IGSF9B: variants seen among roughly 807,000 people sequenced by gnomAD.
IGSF9B encodes immunoglobulin superfamily member 9B.
A neutral mutation model predicts 143.7 loss-of-function variants in IGSF9B; 48 were observed. The observed-to-expected ratio is 0.33, with a 90% confidence interval of 0.26 to 0.42. IGSF9B has a LOEUF of 0.42. Ranked by LOEUF, IGSF9B falls within the 20% of genes least tolerant of loss-of-function variation. IGSF9B has a pLI of 1.00. For missense variants in IGSF9B, 1,706 were observed against 1,980.0 expected (o/e 0.86, Z 2.63); for synonymous variants, 903 against 833.1 (o/e 1.08, Z -1.44).
At chr11:133,927,965 C>T (rs1939657951) in intron 12 of IGSF9B, among the ~76,000 whole-genome samples, 2 of 152,188 alleles carry the variant, frequency 1.3e-5, no homozygotes, top group South Asian at 4.1e-4. Flanking sequence ...GGAGTCAGTG[C>T]ACAGAGTTAG....
At chr11:133,922,865 C>T in intron 15 of IGSF9B, 135 bp from the exon 16 acceptor site, 1 of 781,090 alleles carries the variant, frequency 1.3e-6, no homozygotes, top group Non-Finnish European at 2.0e-6. Flanking sequence ...AAGCTGAACT[C>T]TAGCACTGAA....
rs933708309 is a variant in IGSF9B, at chr11:133,913,060, G to A, written c.3984-1053C>T. On this transcript the variant is annotated intron_variant, in intron 18 of 19. Transcript: ENST00000533871. The surrounding 1 kb of genome is among the most constrained non-coding windows in gnomAD (Gnocchi z 4.6). ...ATTTCTTCTCAAAGTAACCCAACTCGGAGCCTGAGGAATGAAGGGGAAAGA... is the reference window on the plus strand; with the variant it reads ...ATTTCTTCTCAAAGTAACCCAACTCAGAGCCTGAGGAATGAAGGGGAAAGA... Among the ~76,000 whole-genome samples, 3 of 152,108 alleles carry A rather than the reference G, an allele frequency of 2.0e-5. No individual in the cohort carries two copies. The highest frequency in any genetic ancestry group is 4.4e-5 in the Non-Finnish European group (3 of 68,022).
intron 1 of IGSF9B, among the ~76,000 whole-genome samples, chr11:133,954,015 T>C (rs1940209025): frequency 6.6e-6 from 1 of 152,012 alleles, no homozygotes; most frequent in African/African-American, 2.4e-5. Flanking sequence ...ATCATCCCTT[T>C]CCCCCTCTGC....
At position 133,937,830 on chromosome 11, in the gene IGSF9B, C is replaced by T. The variant is rs761894478; in HGVS notation, c.541G>A (p.Gly181Ser). Residue 181 changes from glycine to serine, a missense_variant, in exon 4 of 20, where the codon GGT becomes AGT. By Grantham distance (56) the Gly-to-Ser change is moderately conservative. Around this residue, in one of 7 missense-constraint regions of IGSF9B, gnomAD observed 238 missense variants for 452.6 expected, o/e 0.53. Coordinates refer to ENST00000533871, the MANE Select transcript of IGSF9B (RefSeq NM_001277285.4). ...VTWLKEGTLLGASGKYQVSDG... is the reference protein window; with the variant it reads ...VTWLKEGTLLSASGKYQVSDG... ...CTCACCTGGTATTTCCCACTAGCAC[C>T]GAGGAGCGTCCCCTCCTTGAGCCAG... is the stretch of plus-strand genomic sequence containing the variant. 7.5e-6 allele frequency: 12 copies of T among 1,609,700 alleles called. No homozygotes were observed. Among genetic ancestry groups the T allele is most frequent in the South Asian group, 2.2e-5 (2 of 90,152 alleles).
intron 3 of IGSF9B, among the ~76,000 whole-genome samples, chr11:133,941,089 T>A (rs1222052842): frequency 6.6e-6 from 1 of 152,236 alleles, no homozygotes; most frequent in African/African-American, 2.4e-5. Flanking sequence ...ATTACTTTAT[T>A]ATTTAGGTGC....
At chr11:133,937,056 C>T (rs1031786756) in intron 5 of IGSF9B, among the ~76,000 whole-genome samples, 9 of 152,156 alleles carry the variant, frequency 5.9e-5, no homozygotes, top group African/African-American at 1.9e-4. Context: ...AGGGAGGTCT[C>T]CTCTCCCAGG....
chr11:133,906,900 T>A lies in IGSF9B; in HGVS notation c.*2169A>T, dbSNP rs543624673. On this transcript the variant is annotated 3_prime_UTR_variant, in exon 20 of 20. Transcript: ENST00000533871. ...CCACCTCCCACCCCAACACCTCAGG[T>A]AAGCCGGCTCCCGTCATCCCCCAGG... 1.3e-5 allele frequency among the ~76,000 whole-genome samples: 2 copies of A among 151,992 alleles called. No individual in the cohort carries two copies. Among genetic ancestry groups the A allele is most frequent in the Admixed American group, 1.3e-4 (2 of 15,292 alleles).
intron 17 of IGSF9B, among the ~76,000 whole-genome samples, chr11:133,921,650 G>A (rs1446342048): frequency 6.6e-6 from 1 of 151,810 alleles, no homozygotes. Flanking sequence ...CAATCCTCCT[G>A]CCTCAGCCTC....
At chr11:133,950,468 C>G (rs1940137131) in intron 1 of IGSF9B, among the ~76,000 whole-genome samples, 1 of 152,224 alleles carries the variant, frequency 6.6e-6, no homozygotes, top group Non-Finnish European at 1.5e-5. Context: ...GCCGCTCACC[C>G]AAAGTTACTA....
At position 133,920,511 on chromosome 11, in the gene IGSF9B, G is replaced by A. The variant is rs1330125949; in HGVS notation, c.3214C>T (p.Pro1072Ser). 6.3e-7 allele frequency: 1 copy of A among 1,598,734 alleles called. No individual in the cohort carries two copies. Residue 1072 changes from proline to serine, a missense_variant, in exon 18 of 20, where the codon CCC (proline) becomes TCC (serine). Transcript: ENST00000533871. Reference protein sequence around the residue: ...PPCDVPESLQPKAGLPRGLPP... With the variant: ...PPCDVPESLQSKAGLPRGLPP... ...AGTCCTCGGGGGAGGCCGGCCTTGG[G>A]CTGCAGACTCTCGGGCACATCACAG...
rs1939480589 is a variant in IGSF9B, at chr11:133,919,887, T to C, written c.3838A>G (p.Thr1280Ala). The stretch of plus-strand genomic sequence containing the variant: ...CCGGGTGGAGGGGAAGGGTAGCCGG[T>C]GGCCAGAGTGGTGAAGCCCATGGCG... ...RPAMGFTTLATGYPSPPPGPA... is the reference protein window; with the variant it reads ...RPAMGFTTLAAGYPSPPPGPA... The change falls in exon 18 of 20, where the codon ACC (threonine) becomes GCC (alanine). Residue 1280 changes from threonine to alanine, a missense_variant. Thr to Ala is a moderately conservative substitution (Grantham distance 58). Around this residue, in one of 7 missense-constraint regions of IGSF9B, gnomAD observed 880 missense variants for 762.9 expected, o/e 1.15. Coordinates refer to ENST00000533871, the MANE Select transcript of IGSF9B (RefSeq NM_001277285.4). 6.3e-7 allele frequency: 1 copy of C among 1,579,428 alleles called. No individual in the cohort carries two copies. The highest frequency in any genetic ancestry group is 1.7e-4 in the Middle Eastern group (1 of 5,890).
rs1445123106 is a variant in IGSF9B at position 133,909,195 on chromosome 11, C to T, written c.4188G>A (p.Lys1396=). 6.5e-7 allele frequency: 1 copy of T among 1,535,746 alleles called. No individual in the cohort carries two copies. The highest frequency in any genetic ancestry group is 1.4e-5 in the African/African-American group (1 of 73,038). ...PDEAVCLRKK[K]RHSRPDPFAR... Reference sequence around the variant, plus strand: ...CAAAGGGGTCAGGACGAGAATGTCTCTTCTTCTTTCGGAGGCAGACAGCTT... The same window carrying T: ...CAAAGGGGTCAGGACGAGAATGTCTTTTCTTCTTTCGGAGGCAGACAGCTT... Residue 1396 remains lysine, a synonymous_variant, in exon 20 of 20, where the codon AAG becomes AAA. Coordinates refer to ENST00000533871, the MANE Select transcript of IGSF9B (RefSeq NM_001277285.4). This position sits in a 1 kb window ranked among gnomAD's most constrained non-coding sequence, Gnocchi z 4.2.
At chr11:133,938,568 G>A (rs2121324224) in intron 3 of IGSF9B, among the ~76,000 whole-genome samples, 1 of 152,266 alleles carries the variant, frequency 6.6e-6, no homozygotes, top group East Asian at 1.9e-4. Context: ...CCCTGCATTG[G>A]AGATTTGATT....
chr11:133,953,788 C>G lies in IGSF9B; in HGVS notation c.64+2903G>C, dbSNP rs74963498. On this transcript the variant is annotated intron_variant, in intron 1 of 19. Coordinates refer to ENST00000533871, the MANE Select transcript of IGSF9B (RefSeq NM_001277285.4). The surrounding 1 kb of genome is among the most constrained non-coding windows in gnomAD (Gnocchi z 4.2). ...TCCTCCCACAGAGTAGGAACTCCCC[C>G]GGGCTGGCTCAGCAGCCGTCTGAGA... Among the ~76,000 whole-genome samples, 2,443 of 152,282 alleles carry G rather than the reference C, an allele frequency of 0.016. 70 individuals are homozygous for G. Among genetic ancestry groups the G allele is most frequent in the African/African-American group, 0.056 (2,334 of 41,562 alleles).
rs1393176829 is a variant in IGSF9B, at chr11:133,948,643, G to T, written c.65-2385C>A. Among the ~76,000 whole-genome samples, 1 of 151,974 alleles carries T rather than the reference G, an allele frequency of 6.6e-6. No individual in the cohort carries two copies. The highest frequency in any genetic ancestry group is 1.5e-5 in the Non-Finnish European group (1 of 67,988). On this transcript the variant is annotated intron_variant, in intron 1 of 19. Transcript: ENST00000533871. This position sits in a 1 kb window ranked among gnomAD's most constrained non-coding sequence, Gnocchi z 4.7. Reference sequence around the variant, plus strand: ...TGTGTGTGTGTGTGTGTGTGTGTGTGTGTGTGTGTGTGTGTGTGTGTCTAC... The same window carrying T: ...TGTGTGTGTGTGTGTGTGTGTGTGTTTGTGTGTGTGTGTGTGTGTGTCTAC...
In IGSF9B at chr11:133,924,886, G is replaced by A; in HGVS notation, c.2053C>T (p.Arg685Trp). ...AGATCCTGCATGACGGCCAGAACCC[G>A]GAACTCATACCACGTGTCCTGCAGC... is the stretch of plus-strand genomic sequence containing the variant. The part of the protein sequence containing the change: ...DLSQDTWYEF[R>W]VLAVMQDLIS... The change falls in exon 15 of 20, where the codon CGG (arginine) becomes TGG (tryptophan). Residue 685 changes from arginine to tryptophan, a missense_variant. This residue lies in a region of IGSF9B where 267 missense variants were observed against 321.1 expected (regional missense o/e 0.83). Coordinates refer to ENST00000533871, the MANE Select transcript of IGSF9B (RefSeq NM_001277285.4). 2 of 1,613,666 alleles carry A rather than the reference G, an allele frequency of 1.2e-6. No homozygotes were observed. Among genetic ancestry groups the A allele is most frequent in the Non-Finnish European group, 1.7e-6 (2 of 1,179,874 alleles).
intron 1 of IGSF9B, among the ~76,000 whole-genome samples, chr11:133,955,501 C>T (rs1412952184): frequency 2.0e-5 from 3 of 152,226 alleles, no homozygotes; most frequent in South Asian, 2.1e-4. Flanking sequence ...CCAGCCCACC[C>T]GGCGCCCCAT....
chr11:133,918,483 G>T (rs753352949), intron 18 of IGSF9B, among the ~76,000 whole-genome samples: 1 of 152,130 alleles, frequency 6.6e-6, no homozygotes, highest in Non-Finnish European at 1.5e-5. Context: ...TGAGCTGAGC[G>T]CGCACAAAGC....
chr11:133,946,844 A>G (rs1264653631), intron 1 of IGSF9B, among the ~76,000 whole-genome samples: 1 of 152,174 alleles, frequency 6.6e-6, no homozygotes, highest in Non-Finnish European at 1.5e-5. Flanking sequence ...GGAAATCCCT[A>G]ACAAGCTCAG....
Sources: gnomAD v4.1 joint callset for allele counts (sites outside exome capture counted in the v4.1 genomes callset) on GRCh38, gnomAD v4.1.1 for gene constraint, gnomAD v4.1.1 regional missense constraint, Gnocchi (gnomAD v3.1) non-coding constraint, MANE v1.5 for transcripts, NCBI Gene and HGNC (gene_info 2026-07-23, HGNC 2026-07-21) for gene names.